The following ARHGEF7 variants were observed in gnomAD, a reference collection of about 807,000 sequenced individuals.
The protein encoded by ARHGEF7 is PAK-interacting exchange factor beta.
Under a neutral mutation model 109.8 loss-of-function variants are expected in ARHGEF7, and 33 were observed. The observed-to-expected ratio is 0.30, with a 90% CI of 0.23 to 0.40. The LOEUF (loss-of-function observed/expected upper bound fraction) is 0.40, where lower values mean the gene tolerates loss of function less well. Among genes scored for constraint, ARHGEF7 ranks in the 10% least tolerant of loss-of-function variants. ARHGEF7 has a pLI of 1.00. For missense variants in ARHGEF7, 938 were observed against 1,098.5 expected, an observed-to-expected ratio of 0.85 and a Z score of 2.07; for synonymous variants, 458 against 424.6, an observed-to-expected ratio of 1.08 and a Z score of -0.97.
chr13:111,293,430 C>G (rs902758903), intron 19 of ARHGEF7: 1 of 888,528 alleles, frequency 1.1e-6, no homozygotes. Flanking sequence ...ATGTGGCTCA[C>G]TTATTTAAAA....
intron 1 of ARHGEF7, among the ~76,000 whole-genome samples, chr13:111,132,119 C>A (rs940617092): frequency 6.6e-6 from 1 of 152,174 alleles, no homozygotes; most frequent in African/African-American, 2.4e-5. Context: ...GCGTGTTTTT[C>A]TTGATAAAGG....
At chr13:111,162,086 A>T (rs556566402) in intron 2 of ARHGEF7, among the ~76,000 whole-genome samples, 5 of 152,346 alleles carry the variant, frequency 3.3e-5, no homozygotes, top group Admixed American at 2.0e-4. Context: ...GGCTTTGAAC[A>T]CCTGCTACCA....
chr13:111,279,450 G>A (rs1213854715), intron 13 of ARHGEF7, among the ~76,000 whole-genome samples: 1 of 152,170 alleles, frequency 6.6e-6, no homozygotes, highest in Non-Finnish European at 1.5e-5. Flanking sequence ...GTGGGGGCAC[G>A]TTCCCCACAC....
intron 1 of ARHGEF7, among the ~76,000 whole-genome samples, chr13:111,117,265 AATC>A (rs1486379258): frequency 2.0e-5 from 3 of 152,238 alleles, no homozygotes; most frequent in Non-Finnish European, 4.4e-5. Context: ...CGACTTCAAT[AATC>A]ATTTTCTTTT....
intron 2 of ARHGEF7, among the ~76,000 whole-genome samples, chr13:111,179,709 C>A (rs999644258): frequency 6.6e-6 from 1 of 152,148 alleles, no homozygotes; most frequent in Admixed American, 6.5e-5. Flanking sequence ...CCTGTAGGAT[C>A]GTTTTTCTGC....
chr13:111,300,084 C>T lies in ARHGEF7; in HGVS notation c.2312-664C>T, dbSNP rs180835834. The stretch of plus-strand genomic sequence containing the variant: ...AATGAGTATTTTGATTTCCTAATTT[C>T]TAAAGTACATATTTTGCAACATTTA... On this transcript the variant is annotated intron_variant, in intron 19 of 21. Coordinates refer to ENST00000646102, the MANE Select transcript of ARHGEF7 (RefSeq NM_001354046.2). Among the ~76,000 whole-genome samples, 317 of 152,236 alleles carry T rather than the reference C, an allele frequency of 2.1e-3. 8 individuals are homozygous for T. Among genetic ancestry groups the T allele is most frequent in the Non-Finnish European group, 3.5e-4 (24 of 68,008 alleles).
At position 111,156,602 on chromosome 13, in the gene ARHGEF7, G is replaced by A. The variant is rs545814049; in HGVS notation, c.252+2611G>A. 9.2e-5 allele frequency among the ~76,000 whole-genome samples: 14 copies of A among 152,348 alleles called. No individual in the cohort carries two copies. The East Asian group carries it at 2.7e-3, about 29-fold the overall frequency. On this transcript the variant is annotated intron_variant, in intron 2 of 21. Transcript: ENST00000646102. ...GCATCCAGCTCTGGCTTCCAGCCTT[G>A]TAAGGTGATGTGAAGGGACAGGGCT... is the stretch of plus-strand genomic sequence containing the variant.
At chr13:111,141,330 C>T (rs897449293) in intron 1 of ARHGEF7, among the ~76,000 whole-genome samples, 2 of 151,580 alleles carry the variant, frequency 1.3e-5, no homozygotes, top group East Asian at 1.9e-4. Context: ...CAACCCCTGG[C>T]AACTGTTGAT....
intron 10 of ARHGEF7, 56 bp downstream of exon 10, chr13:111,274,008 C>G: frequency 1.3e-6 from 2 of 1,585,290 alleles, no homozygotes; most frequent in Non-Finnish European, 1.7e-6. Flanking sequence ...GTGGCATGGT[C>G]AGACTTACTG....
intron 11 of ARHGEF7, among the ~76,000 whole-genome samples, 165 bp downstream of exon 11, chr13:111,274,955 A>G (rs1321352618): frequency 1.3e-5 from 2 of 152,262 alleles, no homozygotes; most frequent in African/African-American, 2.4e-5. Context: ...TTAGTGGACT[A>G]TGATAGAATA....
chr13:111,203,139 T>C, intron 2 of ARHGEF7: 1 of 1,265,740 alleles, frequency 7.9e-7, no homozygotes, highest in Non-Finnish European at 1.0e-6. Context: ...TTTATGTATG[T>C]ATTTCTTTTT....
intron 1 of ARHGEF7, among the ~76,000 whole-genome samples, chr13:111,133,808 T>TAA (rs1278894025): frequency 0.01 from 189 of 18,706 alleles, 4 homozygotes; most frequent in Middle Eastern, 0.038. Context: ...TATATATATA[T>TAA]ATATATTTAT....
chr13:111,128,297 G>A (rs1186523662), intron 1 of ARHGEF7, among the ~76,000 whole-genome samples: 1 of 152,092 alleles, frequency 6.6e-6, no homozygotes, highest in Non-Finnish European at 1.5e-5. Flanking sequence ...ATATGATTGT[G>A]TAGGAAATTG....
intron 4 of ARHGEF7, among the ~76,000 whole-genome samples, chr13:111,210,773 G>A (rs2082400490): frequency 6.6e-6 from 1 of 152,160 alleles, no homozygotes; most frequent in African/African-American, 2.4e-5. Context: ...GCTTTCTCGC[G>A]ACAGTACATA....
At chr13:111,301,690 C>G (rs996600889) in intron 21 of ARHGEF7, among the ~76,000 whole-genome samples, 158 bp downstream of exon 21, 9 of 152,302 alleles carry the variant, frequency 5.9e-5, no homozygotes, top group African/African-American at 2.2e-4. Flanking sequence ...GTCAGGAGTT[C>G]AAGACCAACC....
At position 111,266,813 on chromosome 13, in the gene ARHGEF7, T is replaced by TCTCCTGTTTTCAGCACACGTGCCC. The variant is rs1567013497; in HGVS notation, c.951-732_951-709dup. ...GGAAGGTGGTAAGAGTTCACGTGGTTCTCCTGTTTTCAGCACACGTGCCCC... is the reference window on the plus strand; with the variant it reads ...GGAAGGTGGTAAGAGTTCACGTGGTTCTCCTGTTTTCAGCACACGTGCCCCTCCTGTTTTCAGCACACGTGCCCC... On this transcript the variant is annotated intron_variant, in intron 8 of 21. Coordinates refer to ENST00000646102, the MANE Select transcript of ARHGEF7 (RefSeq NM_001354046.2). The surrounding 1 kb of genome is among the most constrained non-coding windows in gnomAD (Gnocchi z 4.8). 1 of 455,924 alleles carries TCTCCTGTTTTCAGCACACGTGCCC rather than the reference T, an allele frequency of 2.2e-6. No homozygotes were observed. The highest frequency in any genetic ancestry group is 2.0e-5 in the African/African-American group (1 of 50,126). 28.2% of individuals were successfully genotyped at this position (455,924 alleles called of 1,614,324 possible).
intron 2 of ARHGEF7, among the ~76,000 whole-genome samples, chr13:111,189,564 G>A (rs1228516839): frequency 6.6e-6 from 1 of 152,228 alleles, no homozygotes; most frequent in Non-Finnish European, 1.5e-5. Context: ...CCCAAAGAAT[G>A]AGCAGCAGCA....
chr13:111,289,804 T>A (rs1477434177), intron 18 of ARHGEF7, among the ~76,000 whole-genome samples: 1 of 151,908 alleles, frequency 6.6e-6, no homozygotes, highest in East Asian at 1.9e-4. Context: ...TCTTTTTTTT[T>A]AACCATTTTC....
intron 4 of ARHGEF7, among the ~76,000 whole-genome samples, chr13:111,215,867 C>T (rs2083065677): frequency 1.3e-5 from 2 of 152,144 alleles, no homozygotes; most frequent in African/African-American, 2.4e-5. Flanking sequence ...GACACTCCCC[C>T]TGACTGTGTA....
Sources: allele counts gnomAD v4.1 joint callset (sites outside exome capture counted in the v4.1 genomes callset), GRCh38; gene constraint gnomAD v4.1.1; non-coding constraint Gnocchi (gnomAD v3.1); transcripts MANE v1.5; gene names NCBI Gene and HGNC (gene_info 2026-07-23, HGNC 2026-07-21).